GPR153: variants seen among roughly 807,000 people sequenced by gnomAD.
GPR153 encodes the protein G protein-coupled receptor 153, also known as probable G protein-coupled receptor 153.
In GPR153, 27 loss-of-function variants were observed where a neutral mutation model predicts 34.1. The observed-to-expected ratio is 0.79, with a 90% CI of 0.58 to 1.09. The LOEUF is 1.09. Among genes scored for constraint, GPR153 ranks in the 50% least tolerant of loss-of-function variants. The pLI, the probability that GPR153 is intolerant of heterozygous loss-of-function variation, is 0.00. For missense variants in GPR153, 848 were observed against 860.2 expected, an observed-to-expected ratio of 0.99 and a Z score of 0.18; for synonymous variants, 408 against 405.4, an observed-to-expected ratio of 1.01 and a Z score of -0.08.
intron 4 of GPR153, among the ~76,000 whole-genome samples, chr1:6,250,908 G>C (rs925898558): frequency 2.6e-5 from 4 of 152,200 alleles, no homozygotes; most frequent in Non-Finnish European, 4.4e-5. Flanking sequence ...AATAACACAC[G>C]CAAGGGGCTG....
intron 3 of GPR153, 136 bp downstream of exon 3, chr1:6,253,582 A>C: frequency 1.2e-6 from 1 of 848,540 alleles, no homozygotes; most frequent in Non-Finnish European, 1.7e-6. Flanking sequence ...TCGGTTTCCA[A>C]ATCTGGAAAA....
chr1:6,258,518 G>T (rs1457504243), intron 1 of GPR153, among the ~76,000 whole-genome samples: 1 of 152,180 alleles, frequency 6.6e-6, no homozygotes, highest in Non-Finnish European at 1.5e-5. Flanking sequence ...CTGGGACCAG[G>T]ACCTGGGGCA....
In GPR153 at chr1:6,249,884, C is replaced by T; in HGVS notation, c.1284G>A (p.Val428=). 1 of 1,293,222 alleles carries T rather than the reference C, an allele frequency of 7.7e-7. No individual in the cohort carries two copies. Among genetic ancestry groups the T allele is most frequent in the Non-Finnish European group, 9.8e-7 (1 of 1,016,892 alleles). 80.1% of individuals were successfully genotyped at this position (1,293,222 alleles called of 1,614,324 possible). ...GEDLAALAHL[V]LPAGPERRRA... ...GGCGCCGCTCGGGCCCGGCAGGCAG[C>T]ACCAGGTGCGCCAGGGCGGCCAGGT... The change falls in exon 6 of 6, where the codon GTG becomes GTA. Residue 428 remains valine, a synonymous_variant. Coordinates refer to ENST00000377893, the MANE Select transcript of GPR153 (RefSeq NM_207370.4). This position sits in a 1 kb window ranked among gnomAD's most constrained non-coding sequence, Gnocchi z 4.3.
rs1883608 is a variant in GPR153, at chr1:6,249,259, C to A, written c.*79G>T. The stretch of plus-strand genomic sequence containing the variant: ...GGGTGGCGCATGTCTGCGCGCGGGG[C>A]GGAGGCGGGCGTCTTTGGTGCTGCG... On this transcript the variant is annotated 3_prime_UTR_variant, in exon 6 of 6. Transcript: ENST00000377893. This position sits in a 1 kb window ranked among gnomAD's most constrained non-coding sequence, Gnocchi z 4.3. 4 of 1,043,992 alleles carry A rather than the reference C, an allele frequency of 3.8e-6. No homozygotes were observed. The highest frequency in any genetic ancestry group is 4.9e-6 in the Non-Finnish European group (4 of 816,044). 64.7% of individuals were successfully genotyped at this position (1,043,992 alleles called of 1,614,324 possible). A position where few individuals can be genotyped will look rare whatever the true frequency, so the allele number is the denominator to read the frequency against.
At chr1:6,256,822 A>G (rs920844066) in intron 1 of GPR153, among the ~76,000 whole-genome samples, 18 of 152,280 alleles carry the variant, frequency 1.2e-4, no homozygotes, top group African/African-American at 3.9e-4. Context: ...TCTGTTCTTC[A>G]TGAGTTACTG....
intron 1 of GPR153, among the ~76,000 whole-genome samples, chr1:6,260,068 G>A (rs1638637155): frequency 6.6e-6 from 1 of 152,210 alleles, no homozygotes; most frequent in South Asian, 2.1e-4. Flanking sequence ...CGGGCCATGA[G>A]GCCTCCCTCC....
At position 6,254,708 on chromosome 1, in the gene GPR153, C is replaced by T; in HGVS notation, c.198G>A (p.Val66=). 2 of 1,613,834 alleles carry T rather than the reference C, an allele frequency of 1.2e-6. No homozygotes were observed. The highest frequency in any genetic ancestry group is 8.5e-7 in the Non-Finnish European group (1 of 1,179,916). ...NVAVPIATYS[V]VQLRRQRPDF... ...CGGGGCGCTGCCGCCGCAGCTGCACCACGGAGTAGGTGGCGATGGGCACGG... is the reference window on the plus strand; with the variant it reads ...CGGGGCGCTGCCGCCGCAGCTGCACTACGGAGTAGGTGGCGATGGGCACGG... The change falls in exon 2 of 6, where the codon GTG becomes GTA. Residue 66 remains valine, a synonymous_variant. Transcript: ENST00000377893.
Position 6,251,455 on chromosome 1 carries a change from C to T in GPR153, c.862G>A (p.Ala288Thr). The T allele has an allele frequency of 6.2e-7, 1 of 1,613,240 alleles. No homozygotes were observed. ...AACACAGGCAGCAGCAGGGCCTGGG[C>T]CACGGAGCACCACAGCACGCAGAGT... ...MALCVLWCSVAQALLLPVFLW... is the reference protein window; with the variant it reads ...MALCVLWCSVTQALLLPVFLW... The change falls in exon 4 of 6, where the codon GCC (alanine) becomes ACC (threonine). Residue 288 changes from alanine to threonine, a missense_variant. Ala to Thr is a moderately conservative substitution (Grantham distance 58). Coordinates refer to ENST00000377893, the MANE Select transcript of GPR153 (RefSeq NM_207370.4). This position sits in a 1 kb window ranked among gnomAD's most constrained non-coding sequence, Gnocchi z 4.9.
Position 6,249,288 on chromosome 1 carries a change from C to A in GPR153, c.*50G>T. On this transcript the variant is annotated 3_prime_UTR_variant, in exon 6 of 6. Coordinates refer to ENST00000377893, the MANE Select transcript of GPR153 (RefSeq NM_207370.4). The surrounding 1 kb of genome is among the most constrained non-coding windows in gnomAD (Gnocchi z 4.3). The stretch of plus-strand genomic sequence containing the variant: ...GGCGGGCGTCTTTGGTGCTGCGGCC[C>A]CGGAGAGCGGCCTGGCCTGCCTGGC... 8.2e-7 allele frequency: 1 copy of A among 1,215,798 alleles called. No individual in the cohort carries two copies. The highest frequency in any genetic ancestry group is 1.0e-6 in the Non-Finnish European group (1 of 969,838). The allele number at this position is 1,215,798 out of a possible 1,614,324, so 75.3% of individuals were successfully genotyped here. A position where few individuals can be genotyped will look rare whatever the true frequency, so the allele number is the denominator to read the frequency against.
In GPR153 at chr1:6,254,101, A is replaced by G; in HGVS notation, c.403T>C (p.Trp135Arg). The G allele has an allele frequency of 6.2e-7, 1 of 1,613,584 alleles. No individual in the cohort carries two copies. The highest frequency in any genetic ancestry group is 2.2e-5 in the East Asian group (1 of 44,874). The part of the protein sequence containing the change: ...KQAVHTVMGI[W>R]MVSFILSALP... Reference sequence around the variant, plus strand: ...GCCGACAGGATGAAGGACACCATCCAGATACCCATGACTGTGTGCACCGCC... The same window carrying G: ...GCCGACAGGATGAAGGACACCATCCGGATACCCATGACTGTGTGCACCGCC... The change falls in exon 3 of 6, where the codon TGG becomes CGG. Residue 135 changes from tryptophan to arginine, a missense_variant. Transcript: ENST00000377893.
chr1:6,259,893 C>A (rs1391152126), intron 1 of GPR153, among the ~76,000 whole-genome samples: 1 of 152,200 alleles, frequency 6.6e-6, no homozygotes, highest in Non-Finnish European at 1.5e-5. Context: ...GGGACCCAGT[C>A]TCCTGCTGGG....
Position 6,255,004 on chromosome 1 carries a change from A to G in GPR153, c.-99T>C. 1.2e-6 allele frequency: 1 copy of G among 845,356 alleles called. No individual in the cohort carries two copies. Among genetic ancestry groups the G allele is most frequent in the Non-Finnish European group, 1.7e-6 (1 of 572,222 alleles). The allele number at this position is 845,356 out of a possible 1,614,324, so 52.4% of individuals were successfully genotyped here. ...TCCTGGTGGCTCAAGGATGCTGGGG[A>G]CCACGAGCATCTGTGGGGGGGTGGC... On this transcript the variant is annotated 5_prime_UTR_variant, in exon 2 of 6. Coordinates refer to ENST00000377893, the MANE Select transcript of GPR153 (RefSeq NM_207370.4).
chr1:6,255,648 T>TTTTTTTG (rs1638552534), intron 1 of GPR153, among the ~76,000 whole-genome samples: 1 of 117,644 alleles, frequency 8.5e-6, no homozygotes, highest in African/African-American at 4.2e-5. Context: ...CTACGTTTTT[T>TTTTTTTG]TTTTTTTTTT....
chr1:6,252,736 C>T (rs1172352629), intron 3 of GPR153, among the ~76,000 whole-genome samples: 1 of 152,216 alleles, frequency 6.6e-6, no homozygotes, highest in Non-Finnish European at 1.5e-5. Flanking sequence ...CTCCCTGTCT[C>T]ACTGCAGACC....
chr1:6,256,156 C>T (rs992126936), intron 1 of GPR153, among the ~76,000 whole-genome samples: 8 of 151,968 alleles, frequency 5.3e-5, no homozygotes, highest in African/African-American at 1.9e-4. Context: ...AAAGGGCTTC[C>T]AGGAGTGAGT....
rs772665154 is a variant in GPR153, at chr1:6,249,297, G to A, written c.*41C>T. 4.1e-5 allele frequency: 51 copies of A among 1,232,282 alleles called. No homozygotes were observed. In the Middle Eastern group the frequency reaches 8.9e-4, roughly 22 times the overall value. The allele number at this position is 1,232,282 out of a possible 1,614,324, so 76.3% of individuals were successfully genotyped here. On this transcript the variant is annotated 3_prime_UTR_variant, in exon 6 of 6. Coordinates refer to ENST00000377893, the MANE Select transcript of GPR153 (RefSeq NM_207370.4). This position sits in a 1 kb window ranked among gnomAD's most constrained non-coding sequence, Gnocchi z 4.3. Reference sequence around the variant, plus strand: ...CTTTGGTGCTGCGGCCCCGGAGAGCGGCCTGGCCTGCCTGGCGTCCGTGGG... The same window carrying A: ...CTTTGGTGCTGCGGCCCCGGAGAGCAGCCTGGCCTGCCTGGCGTCCGTGGG...
At chr1:6,260,435 G>A (rs1638649995) in intron 1 of GPR153, among the ~76,000 whole-genome samples, 1 of 115,378 alleles carries the variant, frequency 8.7e-6, no homozygotes, top group Admixed American at 1.1e-4. Flanking sequence ...CTGGTCCCCA[G>A]TGGGTGCCCC....
intron 1 of GPR153, among the ~76,000 whole-genome samples, chr1:6,257,652 C>T (rs921059306): frequency 3.3e-5 from 5 of 152,228 alleles, no homozygotes; most frequent in South Asian, 2.1e-4. Context: ...GGCCTGGAGA[C>T]GGCCAGTAGA....
chr1:6,255,651 T>TG (rs1557615281), intron 1 of GPR153, among the ~76,000 whole-genome samples: 7 of 124,390 alleles, frequency 5.6e-5, no homozygotes, highest in Admixed American at 1.6e-4. Flanking sequence ...CGTTTTTTTT[T>TG]TTTTTTTTTT....
Sources: gnomAD v4.1 joint callset for allele counts (sites outside exome capture counted in the v4.1 genomes callset) on GRCh38, gnomAD v4.1.1 for gene constraint, Gnocchi (gnomAD v3.1) non-coding constraint, MANE v1.5 for transcripts, NCBI Gene and HGNC (gene_info 2026-07-23, HGNC 2026-07-21) for gene names.